YJU2B: variants seen among roughly 807,000 people sequenced by gnomAD.
YJU2B encodes the protein YJU2 splicing factor homolog B, also known as probable splicing factor YJU2B.
Under a neutral mutation model 38.0 loss-of-function variants are expected in YJU2B, and 18 were observed. The observed-to-expected ratio is 0.47, with a 90% CI of 0.33 to 0.70. The LOEUF is 0.70. Ranked by LOEUF, YJU2B falls within the 30% of genes least tolerant of loss-of-function variation. The pLI is 0.02. For missense variants in YJU2B, 538 were observed against 556.3 expected (o/e 0.97, Z 0.33); for synonymous variants, 246 against 225.4 (o/e 1.09, Z -0.82).
chr19:13,739,386 ATTCT>A (rs1355088442), intron 2 of YJU2B, among the ~76,000 whole-genome samples: 1 of 152,156 alleles, frequency 6.6e-6, no homozygotes, highest in Non-Finnish European at 1.5e-5. Context: ...TTACTAGTGC[ATTCT>A]TTAATATGTT....
At position 13,763,027 on chromosome 19, in the gene YJU2B, T is replaced by C; in HGVS notation, c.1150T>C (p.Ser384Pro). The change falls in exon 10 of 10, where the codon TCC (serine) becomes CCC (proline). Residue 384 changes from serine (S) to proline (P), a missense_variant. Ser to Pro is a moderately conservative substitution (Grantham distance 74). Coordinates refer to ENST00000221554, the MANE Select transcript of YJU2B (RefSeq NM_030818.4). The part of the protein sequence containing the change: ...PDTRHPCSLG[S>P]SLVADYSDSE... ...CACGCGGCACCCCTGCAGTCTCGGC[T>C]CCTCCCTCGTGGCGGACTACTCCGA... 1 of 1,582,214 alleles carries C rather than the reference T, an allele frequency of 6.3e-7. No homozygotes were observed. Among genetic ancestry groups the C allele is most frequent in the East Asian group, 2.2e-5 (1 of 44,538 alleles).
intron 2 of YJU2B, among the ~76,000 whole-genome samples, chr19:13,737,118 C>G (rs1003681108): frequency 6.6e-6 from 1 of 152,000 alleles, no homozygotes; most frequent in Non-Finnish European, 1.5e-5. Flanking sequence ...GCCTCAAACT[C>G]CAGGGCTCAA....
chr19:13,762,801 G>A lies in YJU2B; in HGVS notation c.924G>A (p.Gln308=). The A allele has an allele frequency of 1.2e-6, 2 of 1,602,496 alleles. No individual in the cohort carries two copies. Among genetic ancestry groups the A allele is most frequent in the South Asian group, 2.2e-5 (2 of 89,794 alleles). The change falls in exon 10 of 10, where the codon CAG becomes CAA. Residue 308 remains glutamine, a synonymous_variant. Transcript: ENST00000221554. ...RRSRDVPESP[Q]HAADTPKSGE... is the part of the protein sequence containing the mutation. ...CTCGGGACGTCCCGGAGAGCCCCCAGCATGCGGCCGACACCCCCAAGTCTG... is the reference window on the plus strand; with the variant it reads ...CTCGGGACGTCCCGGAGAGCCCCCAACATGCGGCCGACACCCCCAAGTCTG...
intron 2 of YJU2B, among the ~76,000 whole-genome samples, chr19:13,752,479 C>G (rs752314060): frequency 6.6e-6 from 1 of 152,052 alleles, no homozygotes; most frequent in South Asian, 2.1e-4. Context: ...CGCGGTGGCT[C>G]ACGCCTGTAA....
intron 3 of YJU2B, among the ~76,000 whole-genome samples, chr19:13,755,185 C>T (rs935525457): frequency 6.9e-6 from 1 of 145,414 alleles, no homozygotes; most frequent in Non-Finnish European, 1.5e-5. Flanking sequence ...AAAAAAAAGC[C>T]GGCGCCATGG....
chr19:13,761,074 A>C (rs1973868912), intron 8 of YJU2B, among the ~76,000 whole-genome samples: 1 of 151,928 alleles, frequency 6.6e-6, no homozygotes, highest in Non-Finnish European at 1.5e-5. Context: ...TGACCTGGCC[A>C]CCACATTTTA....
chr19:13,762,322 G>C lies in YJU2B; in HGVS notation c.597G>C (p.Glu199Asp), dbSNP rs773538259. 6.2e-7 allele frequency: 1 copy of C among 1,613,874 alleles called. No homozygotes were observed. Among genetic ancestry groups the C allele is most frequent in the Admixed American group, 1.7e-5 (1 of 59,984 alleles). ...AGGAAAAGAAAAAAGCCATCCAGGA[G>C]GAGGAGGAGAGAGACCAGGCCTTGC... ...RFREKKKAIQ[E>D]EEERDQALQA... The change falls in exon 9 of 10, where the codon GAG becomes GAC. Residue 199 changes from glutamate to aspartate, a missense_variant. By Grantham distance (45) the Glu-to-Asp change is conservative. This residue lies in a region of YJU2B where 488 missense variants were observed against 469.5 expected (regional missense o/e 1.04). Coordinates refer to ENST00000221554, the MANE Select transcript of YJU2B (RefSeq NM_030818.4).
Position 13,762,662 on chromosome 19 carries a change from C to A in YJU2B, c.785C>A (p.Ser262Tyr). Residue 262 changes from serine to tyrosine, a missense_variant, in exon 10 of 10, where the codon TCC becomes TAC. Physicochemically the swap from Ser to Tyr is moderately radical, Grantham distance 144 (BLOSUM62 -2). This residue lies in a region of YJU2B where 488 missense variants were observed against 469.5 expected (regional missense o/e 1.04). Coordinates refer to ENST00000221554, the MANE Select transcript of YJU2B (RefSeq NM_030818.4). ...TCCTGGTTCCCCTCTGCCCCCGGAT[C>A]CGCCTCCAGCAGCAAGGTCAGCGGC... is the stretch of plus-strand genomic sequence containing the variant. ...SRSWFPSAPG[S>Y]ASSSKVSGVL... The A allele has an allele frequency of 6.4e-7, 1 of 1,574,356 alleles. No individual in the cohort carries two copies. Among genetic ancestry groups the A allele is most frequent in the Non-Finnish European group, 8.6e-7 (1 of 1,166,420 alleles).
At chr19:13,752,275 A>C (rs1360947376) in intron 2 of YJU2B, among the ~76,000 whole-genome samples, 5 of 92,454 alleles carry the variant, frequency 5.4e-5, no homozygotes, top group East Asian at 2.7e-4. Context: ...TCTTTCTTTC[A>C]TTTTTTTTTA....
chr19:13,761,774 G>A (rs1219852567), intron 8 of YJU2B, among the ~76,000 whole-genome samples: 1 of 104,266 alleles, frequency 9.6e-6, no homozygotes, highest in Non-Finnish European at 1.8e-5. Context: ...CCTGGCTGGA[G>A]TGCAGTGACA....
chr19:13,757,401 GCTGT>G lies in YJU2B; in HGVS notation c.141-10_141-7del, dbSNP rs1010596660. The G allele has an allele frequency of 7.4e-6, 12 of 1,612,338 alleles. No homozygotes were observed. Among genetic ancestry groups the G allele is most frequent in the African/African-American group, 5.3e-5 (4 of 74,892 alleles). ...CCAAGTGGACAAGTGCAAGTAAGATGCTGTCTGTCTTTGCAGATTCGAAATGCCA... is the reference window on the plus strand; with the variant it reads ...CCAAGTGGACAAGTGCAAGTAAGATGCTGTCTTTGCAGATTCGAAATGCCA... On this transcript the variant is annotated splice_polypyrimidine_tract_variant and intron_variant, in intron 4 of 9. Transcript: ENST00000221554.
intron 3 of YJU2B, among the ~76,000 whole-genome samples, chr19:13,755,663 A>T (rs1288239057): frequency 1.3e-5 from 2 of 151,740 alleles, no homozygotes; most frequent in Non-Finnish European, 2.9e-5. Flanking sequence ...TCAGCTCATA[A>T]ATGGGAACAG....
At chr19:13,748,942 A>G (rs974950769) in intron 1 of YJU2B, among the ~76,000 whole-genome samples, 4 of 151,994 alleles carry the variant, frequency 2.6e-5, no homozygotes, top group African/African-American at 9.7e-5. Context: ...GGGACTTTGC[A>G]CCACTGCCTC....
chr19:13,762,297 AG>A lies in YJU2B; in HGVS notation c.574del. On this transcript the variant is annotated splice_acceptor_variant, in intron 8 of 9. Transcript: ENST00000221554. LOFTEE classifies it high-confidence loss of function. Reference sequence around the variant, plus strand: ...CTCTGGTGTTCTTGGCCCTCAACACAGGAAAAGAAAAAAGCCATCCAGGAGG... The same window carrying A: ...CTCTGGTGTTCTTGGCCCTCAACACAGAAAAGAAAAAAGCCATCCAGGAGG... The A allele has an allele frequency of 1.9e-6, 3 of 1,613,342 alleles. No individual in the cohort carries two copies. Among genetic ancestry groups the A allele is most frequent in the Non-Finnish European group, 2.5e-6 (3 of 1,179,924 alleles).
chr19:13,759,326 G>T, intron 8 of YJU2B, 54 bp downstream of exon 8: 1 of 1,448,814 alleles, frequency 6.9e-7, no homozygotes, highest in East Asian at 2.4e-5. Flanking sequence ...ACCAAGGCCC[G>T]GGTCCAGCCC....
chr19:13,734,586 G>A (rs143189829), intron 2 of YJU2B, among the ~76,000 whole-genome samples: 5 of 151,560 alleles, frequency 3.3e-5, no homozygotes, highest in East Asian at 3.9e-4. Context: ...CACCGCGCCC[G>A]GCCCTTTTTT....
In YJU2B at chr19:13,757,546, G is replaced by A. The variant is rs148234365; in HGVS notation, c.196+73G>A. 8.4e-6 allele frequency: 11 copies of A among 1,310,792 alleles called. No individual in the cohort carries two copies. In the East Asian group the frequency reaches 2.5e-4, roughly 30 times the overall value. The allele number at this position is 1,310,792 out of a possible 1,614,324, so 81.2% of individuals were successfully genotyped here. A position where few individuals can be genotyped will look rare whatever the true frequency, so the allele number is the denominator to read the frequency against. On this transcript the variant is annotated intron_variant, in intron 5 of 9. Coordinates refer to ENST00000221554, the MANE Select transcript of YJU2B (RefSeq NM_030818.4). ...CTAACTGCTGGATGCCGCCGGGGTG[G>A]GGGTGGGAGGGTCCTGATCAGGAAT... is the stretch of plus-strand genomic sequence containing the variant.
intron 2 of YJU2B, among the ~76,000 whole-genome samples, 166 bp from the exon 3 acceptor site, chr19:13,754,123 G>T (rs994891060): frequency 2.0e-5 from 3 of 152,174 alleles, no homozygotes; most frequent in African/African-American, 7.2e-5. Context: ...AGTGAGTCAA[G>T]ATCGCACCAC....
At chr19:13,749,431 C>T (rs924881372) in intron 1 of YJU2B, among the ~76,000 whole-genome samples, 4 of 152,196 alleles carry the variant, frequency 2.6e-5, no homozygotes, top group Non-Finnish European at 5.9e-5. Context: ...CATGCAGCTA[C>T]GCCCGTTCAT....
Sources: allele counts gnomAD v4.1 joint callset (sites outside exome capture counted in the v4.1 genomes callset), GRCh38; gene constraint gnomAD v4.1.1; regional missense constraint gnomAD v4.1.1; transcripts MANE v1.5; gene names NCBI Gene and HGNC (gene_info 2026-07-23, HGNC 2026-07-21).